HMCN1: variants seen among roughly 807,000 people sequenced by gnomAD.
The protein encoded by HMCN1 is hemicentin 1.
HMCN1 carries 321 observed loss-of-function variants against 625.9 expected under a neutral mutation model. The ratio of observed to expected loss-of-function variants is 0.51; its 90% CI spans 0.47 to 0.56. HMCN1 has a LOEUF of 0.56. HMCN1 is among the 20% of genes least tolerant of loss of function. HMCN1 has a pLI of 0.00. For missense variants in HMCN1, 6,588 were observed against 6,887.3 expected, an observed-to-expected ratio of 0.96 and a Z score of 1.54; for synonymous variants, 2,425 against 2,417.6, an observed-to-expected ratio of 1.00 and a Z score of -0.09.
At chr1:186,124,219 A>G (rs1661534365) in intron 81 of HMCN1, among the ~76,000 whole-genome samples, 1 of 152,158 alleles carries the variant, frequency 6.6e-6, no homozygotes, top group Non-Finnish European at 1.5e-5. Flanking sequence ...ACAAAGCTAG[A>G]AATTTGTAAT....
intron 93 of HMCN1, among the ~76,000 whole-genome samples, chr1:186,149,916 T>C (rs1650564506): frequency 6.6e-6 from 1 of 152,108 alleles, no homozygotes; most frequent in Non-Finnish European, 1.5e-5. Context: ...CACCATCTCA[T>C]ATGGGCATGG....
At chr1:186,188,813 T>C (rs190440463) in intron 106 of HMCN1, among the ~76,000 whole-genome samples, 3 of 152,206 alleles carry the variant, frequency 2.0e-5, no homozygotes, top group Admixed American at 2.0e-4. Flanking sequence ...AAGGAGAAAA[T>C]TGAAAATACA....
intron 89 of HMCN1, among the ~76,000 whole-genome samples, chr1:186,139,543 T>C (rs907751805): frequency 6.6e-6 from 1 of 152,088 alleles, no homozygotes; most frequent in African/African-American, 2.4e-5. Flanking sequence ...ACTATTCGCC[T>C]ACTACTGTCT....
chr1:185,819,902 A>G (rs1660080442), intron 1 of HMCN1, among the ~76,000 whole-genome samples: 2 of 152,192 alleles, frequency 1.3e-5, no homozygotes, highest in African/African-American at 2.4e-5. Context: ...ATAATGTATC[A>G]TGCCATATAG....
At chr1:186,148,543 C>A (rs142697583) in intron 93 of HMCN1, among the ~76,000 whole-genome samples, 1 of 152,230 alleles carries the variant, frequency 6.6e-6, no homozygotes, top group African/African-American at 2.4e-5. Flanking sequence ...GAGTCTCATT[C>A]TGTCACCCAG....
At chr1:186,097,092 A>G (rs982555119) in intron 68 of HMCN1, among the ~76,000 whole-genome samples, 10 of 152,148 alleles carry the variant, frequency 6.6e-5, no homozygotes, top group African/African-American at 2.4e-4. Context: ...AGGAAGTCAA[A>G]TGTTCTGTTT....
chr1:185,838,986 G>C (rs955886714), intron 1 of HMCN1, among the ~76,000 whole-genome samples: 15 of 152,096 alleles, frequency 9.9e-5, no homozygotes, highest in African/African-American at 3.6e-4. Flanking sequence ...TAAAATGTTT[G>C]CTTCATAAAT....
intron 4 of HMCN1, among the ~76,000 whole-genome samples, chr1:185,879,017 A>C (rs1039328019): frequency 6.6e-6 from 1 of 152,186 alleles, no homozygotes; most frequent in African/African-American, 2.4e-5. Flanking sequence ...CACTTCTTGC[A>C]GTTATCCAGG....
rs1558210984 is a variant in HMCN1, at chr1:186,086,821, TAGATA to T, written c.9047-395_9047-391del. Among the ~76,000 whole-genome samples, 8 of 20,588 alleles carry T rather than the reference TAGATA, an allele frequency of 3.9e-4. No homozygotes were observed. The East Asian group carries it at 9.2e-3, about 24-fold the overall frequency. The allele number at this position is 20,588 out of a possible 152,430, so 13.5% of individuals were successfully genotyped here. A position where few individuals can be genotyped will look rare whatever the true frequency, so the allele number is the denominator to read the frequency against. ...GATAGATAGATAGATAGATGATAGA[TAGATA>T]GATAGATAGATAGATAGATAGATAG... is the stretch of plus-strand genomic sequence containing the variant. On this transcript the variant is annotated intron_variant, in intron 58 of 106. Transcript: ENST00000271588.
At chr1:186,096,605 C>T (rs558887988) in intron 68 of HMCN1, among the ~76,000 whole-genome samples, 4 of 152,208 alleles carry the variant, frequency 2.6e-5, no homozygotes, top group South Asian at 4.1e-4. Flanking sequence ...AAGAAAACTA[C>T]AACCCAATAT....
chr1:185,838,715 G>A (rs553254471), intron 1 of HMCN1, among the ~76,000 whole-genome samples: 1 of 152,332 alleles, frequency 6.6e-6, no homozygotes, highest in African/African-American at 2.4e-5. Flanking sequence ...AAGCTGTTGA[G>A]AGCAGGACAT....
At chr1:185,870,881 T>C (rs78692017) in intron 4 of HMCN1, among the ~76,000 whole-genome samples, 7,084 of 152,174 alleles carry the variant, frequency 0.047, 577 homozygotes, top group African/African-American at 0.16. Flanking sequence ...CCTGGTGCCT[T>C]TCATTTTCCC....
chr1:185,891,876 A>G (rs1665113771), intron 4 of HMCN1, among the ~76,000 whole-genome samples: 1 of 147,634 alleles, frequency 6.8e-6, no homozygotes, highest in South Asian at 2.1e-4. Flanking sequence ...AGATTGGGGA[A>G]ATTCTCCAGG....
intron 82 of HMCN1, among the ~76,000 whole-genome samples, chr1:186,127,504 G>T (rs1027179512): frequency 1.3e-5 from 2 of 152,058 alleles, no homozygotes; most frequent in African/African-American, 2.4e-5. Flanking sequence ...TGAGATAGGA[G>T]GGGAAAATAG....
intron 11 of HMCN1, chr1:185,956,965 C>T (rs1649673785): frequency 6.6e-6 from 1 of 152,218 alleles, no homozygotes; most frequent in Admixed American, 6.5e-5. Flanking sequence ...TAGTGCCTTG[C>T]ACAGAGGGAA....
chr1:185,957,443 T>TTA (rs1649708082), intron 11 of HMCN1, among the ~76,000 whole-genome samples: 1 of 152,142 alleles, frequency 6.6e-6, no homozygotes, highest in South Asian at 2.1e-4. Context: ...GGGGACGTTT[T>TTA]TATATATATA....
intron 1 of HMCN1, among the ~76,000 whole-genome samples, chr1:185,793,896 A>G (rs902135434): frequency 6.6e-6 from 1 of 152,188 alleles, no homozygotes; most frequent in Non-Finnish European, 1.5e-5. Context: ...AAAACGACTC[A>G]CAGTTCAGAA....
At chr1:185,855,113 T>C (rs1348961461) in intron 2 of HMCN1, among the ~76,000 whole-genome samples, 1 of 152,114 alleles carries the variant, frequency 6.6e-6, no homozygotes, top group Non-Finnish European at 1.5e-5. Context: ...TGGTGAATGC[T>C]TCCTCCTCGA....
At chr1:185,960,124 C>CTTTTTT (rs1167408279) in intron 11 of HMCN1, among the ~76,000 whole-genome samples, 18 of 108,908 alleles carry the variant, frequency 1.7e-4, no homozygotes, top group East Asian at 2.5e-4. Flanking sequence ...CAGGAATATT[C>CTTTTTT]TTTTTTTTTT....
Sources: gnomAD v4.1 joint callset for allele counts (sites outside exome capture counted in the v4.1 genomes callset) on GRCh38, gnomAD v4.1.1 for gene constraint, MANE v1.5 for transcripts, NCBI Gene and HGNC (gene_info 2026-07-23, HGNC 2026-07-21) for gene names.